Variants in PARD6G observed in about 807,000 individuals in gnomAD.
The protein encoded by PARD6G is partitioning defective 6 homolog gamma.
A neutral mutation model predicts 10.7 loss-of-function variants in PARD6G; 7 were observed. The observed-to-expected ratio is 0.66, with a 90% CI of 0.37 to 1.23. PARD6G has a LOEUF of 1.23. PARD6G is among the 50% of genes most tolerant of loss of function. PARD6G has a pLI of 0.02. For missense variants in PARD6G, 548 were observed against 571.8 expected (o/e 0.96, Z 0.42); for synonymous variants, 287 against 269.4 (o/e 1.07, Z -0.64).
In PARD6G at chr18:80,184,043, G is replaced by A. The variant is rs968870844; in HGVS notation, c.295+18667C>T. ...TCTGTTTTTCTTGGTCCAAACCAGA[G>A]GAAATTTATTGTCCAAACCAGACCC... is the stretch of plus-strand genomic sequence containing the variant. On this transcript the variant is annotated intron_variant, in intron 2 of 2. Transcript: ENST00000353265. This position sits in a 1 kb window ranked among gnomAD's most constrained non-coding sequence, Gnocchi z 4.5. The A allele has an allele frequency of 7.2e-5, 11 of 152,194 alleles. No individual in the cohort carries two copies. The highest frequency in any genetic ancestry group is 2.7e-4 in the African/African-American group (11 of 41,444). 9.4% of individuals were successfully genotyped at this position (152,194 alleles called of 1,614,324 possible).
At chr18:80,242,596 G>T (rs951761991) in intron 1 of PARD6G, among the ~76,000 whole-genome samples, 2 of 152,246 alleles carry the variant, frequency 1.3e-5, no homozygotes, top group African/African-American at 4.8e-5. Context: ...ATCCTGGAGG[G>T]CCCAAGTTTA....
Position 80,219,038 on chromosome 18 carries a change from C to A in PARD6G, c.73-16106G>T, listed in dbSNP as rs1017933062. 1.3e-4 allele frequency among the ~76,000 whole-genome samples: 20 copies of A among 152,254 alleles called. 1 individual carries two copies. Among genetic ancestry groups the A allele is most frequent in the African/African-American group, 4.8e-4 (20 of 41,476 alleles). ...TAGCCCTGGACCTGGCCCAGGAAAC[C>A]ACTTTTCTCTCCTAGGCCTCCAGGC... On this transcript the variant is annotated intron_variant, in intron 1 of 2. Coordinates refer to ENST00000353265, the MANE Select transcript of PARD6G (RefSeq NM_032510.4).
chr18:80,233,906 C>G (rs1378911269), intron 1 of PARD6G, among the ~76,000 whole-genome samples: 1 of 152,166 alleles, frequency 6.6e-6, no homozygotes, highest in African/African-American at 2.4e-5. Flanking sequence ...AGCAGGCAGG[C>G]TTTTAGGAGG....
chr18:80,242,285 G>C (rs1967498903), intron 1 of PARD6G, among the ~76,000 whole-genome samples: 1 of 152,336 alleles, frequency 6.6e-6, no homozygotes, highest in South Asian at 2.1e-4. Context: ...GGGTGTAGCT[G>C]ACACACACAG....
chr18:80,234,748 G>A (rs1568444125), intron 1 of PARD6G, among the ~76,000 whole-genome samples: 1 of 152,048 alleles, frequency 6.6e-6, no homozygotes. Context: ...CAAGGTGACT[G>A]TAATGACAAA....
At position 80,228,711 on chromosome 18, in the gene PARD6G, C is replaced by T. The variant is rs1967324906; in HGVS notation, c.72+18566G>A. On this transcript the variant is annotated intron_variant, in intron 1 of 2. Coordinates refer to ENST00000353265, the MANE Select transcript of PARD6G (RefSeq NM_032510.4). The surrounding 1 kb of genome is among the most constrained non-coding windows in gnomAD (Gnocchi z 4.6). The stretch of plus-strand genomic sequence containing the variant: ...GCGCCTCCCACCTAAGGCCCTTCTC[C>T]ACCAAAGACCTGCCTCACACCCCCA... Among the ~76,000 whole-genome samples, 1 of 152,036 alleles carries T rather than the reference C, an allele frequency of 6.6e-6. No homozygotes were observed. Among genetic ancestry groups the T allele is most frequent in the African/African-American group, 2.4e-5 (1 of 41,372 alleles).
In PARD6G at chr18:80,188,199, TTTTG is replaced by T. The variant is rs2052890355; in HGVS notation, c.295+14507_295+14510del. On this transcript the variant is annotated intron_variant, in intron 2 of 2. Transcript: ENST00000353265. This position sits in a 1 kb window ranked among gnomAD's most constrained non-coding sequence, Gnocchi z 5.4. ...CTCTGCTACAGTTAATTAGATACAA[TTTTG>T]TTTAATTATGTGAACCTTCTTGGGT... Among the ~76,000 whole-genome samples the T allele has an allele frequency of 1.3e-5, 2 of 152,176 alleles. No homozygotes were observed. Among genetic ancestry groups the T allele is most frequent in the Admixed American group, 1.3e-4 (2 of 15,284 alleles).
chr18:80,160,061 C>G lies in PARD6G; in HGVS notation c.841G>C (p.Ala281Pro). 1 of 1,561,200 alleles carries G rather than the reference C, an allele frequency of 6.4e-7. No homozygotes were observed. Residue 281 changes from alanine (A) to proline (P), a missense_variant, in exon 3 of 3, where the codon GCC (alanine) becomes CCC (proline). Ala to Pro is a conservative substitution (Grantham distance 27). This residue lies in a region of PARD6G where 313 missense variants were observed against 279.9 expected (regional missense o/e 1.12). Transcript: ENST00000353265. ...TGGAAGTTCTGCAGGACGCGCGGGGCGGGGGGACCCACGAAGCCCGCGGTG... is the reference window on the plus strand; with the variant it reads ...TGGAAGTTCTGCAGGACGCGCGGGGGGGGGGGACCCACGAAGCCCGCGGTG... ...DGTAGFVGPP[A>P]PRVLQNFHPD...
rs948428740 is a variant in PARD6G, at chr18:80,231,593, T to A, written c.72+15684A>T. On this transcript the variant is annotated intron_variant, in intron 1 of 2. Coordinates refer to ENST00000353265, the MANE Select transcript of PARD6G (RefSeq NM_032510.4). The surrounding 1 kb of genome is among the most constrained non-coding windows in gnomAD (Gnocchi z 4.2). ...TGGCTGTGTAACTCTGGATAATTTATTCAACTTCTCTGATCCTGTTCCTCC... is the reference window on the plus strand; with the variant it reads ...TGGCTGTGTAACTCTGGATAATTTAATCAACTTCTCTGATCCTGTTCCTCC... Among the ~76,000 whole-genome samples, 1 of 152,210 alleles carries A rather than the reference T, an allele frequency of 6.6e-6. No individual in the cohort carries two copies. Among genetic ancestry groups the A allele is most frequent in the African/African-American group, 2.4e-5 (1 of 41,438 alleles).
At chr18:80,220,359 A>C (rs566688045) in intron 1 of PARD6G, among the ~76,000 whole-genome samples, 22 of 152,296 alleles carry the variant, frequency 1.4e-4, no homozygotes, top group African/African-American at 5.3e-4. Context: ...TTGGGTGGGG[A>C]CACAGCCAAA....
intron 2 of PARD6G, among the ~76,000 whole-genome samples, chr18:80,163,265 A>T (rs2052713103): frequency 6.6e-6 from 1 of 152,154 alleles, no homozygotes; most frequent in Non-Finnish European, 1.5e-5. Flanking sequence ...GAAGAGACTA[A>T]GGTTTTATGC....
intron 2 of PARD6G, among the ~76,000 whole-genome samples, chr18:80,195,366 G>C (rs1350806883): frequency 1.3e-5 from 2 of 151,446 alleles, no homozygotes; most frequent in Admixed American, 6.6e-5. Flanking sequence ...TGGAGCAGGC[G>C]GGAATCCCTG....
chr18:80,208,482 G>A (rs1176677056), intron 1 of PARD6G, among the ~76,000 whole-genome samples: 5 of 152,112 alleles, frequency 3.3e-5, no homozygotes, highest in Non-Finnish European at 5.9e-5. Context: ...ACAACAGGAC[G>A]GCTGCTTCAA....
intron 1 of PARD6G, among the ~76,000 whole-genome samples, chr18:80,235,222 C>T (rs1246958253): frequency 6.6e-6 from 1 of 152,162 alleles, no homozygotes. Flanking sequence ...AACCACTCAA[C>T]TACATGGAAA....
chr18:80,218,253 C>T (rs1967191638), intron 1 of PARD6G, among the ~76,000 whole-genome samples: 2 of 152,028 alleles, frequency 1.3e-5, no homozygotes, highest in South Asian at 4.2e-4. Context: ...TGAGACAAGC[C>T]AAGTCCTTTC....
chr18:80,220,228 G>A (rs8095584), intron 1 of PARD6G, among the ~76,000 whole-genome samples: 5 of 151,946 alleles, frequency 3.3e-5, no homozygotes, highest in Non-Finnish European at 5.9e-5. Flanking sequence ...CCATCAGCTC[G>A]TGTGAGAACT....
intron 2 of PARD6G, among the ~76,000 whole-genome samples, chr18:80,199,987 C>T (rs1350678858): frequency 6.6e-6 from 1 of 152,120 alleles, no homozygotes; most frequent in African/African-American, 2.4e-5. Context: ...TGGGTTTATT[C>T]CAACATGTAT....
chr18:80,180,141 C>T lies in PARD6G; in HGVS notation c.296-19535G>A, dbSNP rs573054925. Among the ~76,000 whole-genome samples the T allele has an allele frequency of 1.4e-3, 216 of 152,334 alleles. No homozygotes were observed. Among genetic ancestry groups the T allele is most frequent in the African/African-American group, 4.7e-3 (194 of 41,578 alleles). ...AGGCCTGGCTGGGTGAACCAGGGCC[C>T]GGGACGGGAATGGCCATTGGTGTGT... On this transcript the variant is annotated intron_variant, in intron 2 of 2. Transcript: ENST00000353265. The surrounding 1 kb of genome is among the most constrained non-coding windows in gnomAD (Gnocchi z 5.6).
chr18:80,188,925 G>A lies in PARD6G; in HGVS notation c.295+13785C>T, dbSNP rs1240557408. ...CATCTGAACACAAGAGTGACCTGGGGGGTGAATGCAGACATGGGAAGAGTA... is the reference window on the plus strand; with the variant it reads ...CATCTGAACACAAGAGTGACCTGGGAGGTGAATGCAGACATGGGAAGAGTA... On this transcript the variant is annotated intron_variant, in intron 2 of 2. Transcript: ENST00000353265. This position sits in a 1 kb window ranked among gnomAD's most constrained non-coding sequence, Gnocchi z 5.4. 6.6e-6 allele frequency among the ~76,000 whole-genome samples: 1 copy of A among 152,216 alleles called. No homozygotes were observed. Among genetic ancestry groups the A allele is most frequent in the Admixed American group, 6.5e-5 (1 of 15,290 alleles).
Sources: allele counts gnomAD v4.1 joint callset (sites outside exome capture counted in the v4.1 genomes callset), GRCh38; gene constraint gnomAD v4.1.1; regional missense constraint gnomAD v4.1.1; non-coding constraint Gnocchi (gnomAD v3.1); transcripts MANE v1.5; gene names NCBI Gene and HGNC (gene_info 2026-07-23, HGNC 2026-07-21).